Variants in ELAC2 observed in about 807,000 individuals in gnomAD.
ELAC2 encodes the protein zinc phosphodiesterase ELAC protein 2.
Under a neutral mutation model 105.2 loss-of-function variants are expected in ELAC2, and 92 were observed. The observed-to-expected ratio is 0.87, with a 90% CI of 0.74 to 1.04. The LOEUF (loss-of-function observed/expected upper bound fraction) is 1.04. ELAC2 is among the 50% of genes least tolerant of loss of function. ELAC2 has a pLI of 0.00. For missense variants in ELAC2, 1,099 were observed against 1,071.7 expected (o/e 1.03, Z -0.36); for synonymous variants, 468 against 409.1 (o/e 1.14, Z -1.74).
rs746742839 is a variant in ELAC2, at chr17:13,017,141, C to T, written c.246-20G>A. On this transcript the variant is annotated intron_variant, in intron 1 of 23. Coordinates refer to ENST00000338034, the MANE Select transcript of ELAC2 (RefSeq NM_018127.7). ...AGATACCTACAAGACAAACATTACA[C>T]AAGACATTCAGAAGGTTTTATTCTG... 2.5e-6 allele frequency: 4 copies of T among 1,609,536 alleles called. No homozygotes were observed. Among genetic ancestry groups the T allele is most frequent in the Non-Finnish European group, 3.4e-6 (4 of 1,176,598 alleles).
Position 12,998,495 on chromosome 17 carries a change from C to G in ELAC2, c.1437G>C (p.Gln479His). ...TTCCAAGGAAGATGATTTCTGGGTA[C>G]TGACTTCTTTTCTCTGTGAAAAAAT... Reference protein sequence around the residue: ...DGPAPAEKRSQYPEIIFLGTG... With the variant: ...DGPAPAEKRSHYPEIIFLGTG... Residue 479 changes from glutamine (Q) to histidine (H), a missense_variant, in exon 16 of 24, where the codon CAG (glutamine) becomes CAC (histidine). Coordinates refer to ENST00000338034, the MANE Select transcript of ELAC2 (RefSeq NM_018127.7). 2.5e-6 allele frequency: 4 copies of G among 1,614,138 alleles called. No individual in the cohort carries two copies. The highest frequency in any genetic ancestry group is 3.4e-6 in the Non-Finnish European group (4 of 1,179,978).
At chr17:13,008,284 G>A (rs2041220358) in intron 8 of ELAC2, among the ~76,000 whole-genome samples, 1 of 151,986 alleles carries the variant, frequency 6.6e-6, no homozygotes, top group Admixed American at 6.6e-5. Context: ...GGCCAAGGCA[G>A]GCGGATCAGG....
chr17:13,004,939 T>C, intron 11 of ELAC2, 50 bp downstream of exon 11: 1 of 1,401,894 alleles, frequency 7.1e-7, no homozygotes, highest in Non-Finnish European at 1.0e-6. Context: ...ATGTCGATGC[T>C]GGGCTGGGTT....
intron 14 of ELAC2, chr17:13,000,517 T>C: frequency 1.9e-6 from 1 of 534,168 alleles, no homozygotes; most frequent in Non-Finnish European, 3.4e-6. Flanking sequence ...GACAGTTTTT[T>C]TCTGTGGCCA....
At position 13,002,522 on chromosome 17, in the gene ELAC2, G is replaced by T. The variant is rs1406570481; in HGVS notation, c.1137C>A (p.Asn379Lys). The T allele has an allele frequency of 5.0e-6, 8 of 1,605,656 alleles. No homozygotes were observed. The highest frequency in any genetic ancestry group is 6.8e-6 in the Non-Finnish European group (8 of 1,175,512). ...GGGTTTGAATCTTGTGGCTGCGAAG[G>T]TTGTGAACTGAGGCACAGTTCTCAT... ...VLNENCASVH[N>K]LRSHKIQTQL... The change falls in exon 13 of 24, where the codon AAC becomes AAA. Residue 379 changes from asparagine (N) to lysine (K), a missense_variant. By Grantham distance (94) the Asn-to-Lys change is moderately conservative. Coordinates refer to ENST00000338034, the MANE Select transcript of ELAC2 (RefSeq NM_018127.7).
chr17:12,993,795 C>T lies in ELAC2; in HGVS notation c.2145G>A (p.Met715Ile). 2 of 1,614,208 alleles carry T rather than the reference C, an allele frequency of 1.2e-6. No homozygotes were observed. Residue 715 changes from methionine (M) to isoleucine (I), a missense_variant, in exon 23 of 24, where the codon ATG becomes ATA. Transcript: ENST00000338034. ...GGTTCAGCATAATGAACTCCGCGTTCATCCGCATCCCCACGCTGATGGCTT... is the reference window on the plus strand; with the variant it reads ...GGTTCAGCATAATGAACTCCGCGTTTATCCGCATCCCCACGCTGATGGCTT... ...TSQAISVGMR[M>I]NAEFIMLNHF...
At chr17:13,014,414 G>C (rs1344119686) in intron 5 of ELAC2, 25 bp downstream of exon 5, 1 of 1,585,832 alleles carries the variant, frequency 6.3e-7, no homozygotes, top group Admixed American at 1.7e-5. Flanking sequence ...AAATAGCAGA[G>C]GATGAGTCAC....
chr17:13,016,701 G>A lies in ELAC2; in HGVS notation c.367+161C>T, dbSNP rs879168945. ...AGGCTGAGGTGAGGGGATCACCTGAGCCCAGAAGGCAAAGGTTGCAGTGAG... is the reference window on the plus strand; with the variant it reads ...AGGCTGAGGTGAGGGGATCACCTGAACCCAGAAGGCAAAGGTTGCAGTGAG... On this transcript the variant is annotated intron_variant, in intron 3 of 23. Coordinates refer to ENST00000338034, the MANE Select transcript of ELAC2 (RefSeq NM_018127.7). 1.9e-4 allele frequency among the ~76,000 whole-genome samples: 27 copies of A among 143,142 alleles called. 1 individual carries two copies. The South Asian group carries it at 3.7e-3, about 20-fold the overall frequency. The allele number at this position is 143,142 out of a possible 152,430, so 93.9% of individuals were successfully genotyped here.
At chr17:12,995,590 C>G in intron 19 of ELAC2, 113 bp downstream of exon 19, 1 of 1,073,550 alleles carries the variant, frequency 9.3e-7, no homozygotes. Flanking sequence ...GGGACCATGT[C>G]AAGGGCAAGG....
At position 12,992,766 on chromosome 17, in the gene ELAC2, G is replaced by A. The variant is rs540886198; in HGVS notation, c.*52C>T. On this transcript the variant is annotated 3_prime_UTR_variant, in exon 24 of 24. Transcript: ENST00000338034. ...CAGCAAGGAGGGCAGATACGGGTGC[G>A]TGCGTGGGGCAGAAGACACACAGCC... 37 of 1,602,792 alleles carry A rather than the reference G, an allele frequency of 2.3e-5. No individual in the cohort carries two copies. The highest frequency in any genetic ancestry group is 1.6e-4 in the East Asian group (7 of 44,804).
intron 11 of ELAC2, chr17:13,004,001 A>G: frequency 4.6e-6 from 1 of 216,966 alleles, no homozygotes; most frequent in Non-Finnish European, 9.4e-6. Flanking sequence ...TGCCTTCCAG[A>G]GGACCTGAGA....
chr17:13,003,877 C>A (rs1464731669), intron 11 of ELAC2: 2 of 383,606 alleles, frequency 5.2e-6, no homozygotes, highest in East Asian at 1.1e-4. Flanking sequence ...CGGGTCCAAC[C>A]TGCAAAGCCA....
rs746682918 is a variant in ELAC2, at chr17:13,017,917, C to G, written c.31G>C (p.Ala11Pro). ...CCCTGCGACATGGTGCGTCCGGCCG[C>G]GGACCGCAGCAGCGAGCAAAGCGCC... The part of the protein sequence containing the change: MWALCSLLRS[A>P]AGRTMSQGRT... Residue 11 changes from alanine (A) to proline (P), a missense_variant, in exon 1 of 24, where the codon GCG becomes CCG. By Grantham distance (27) the Ala-to-Pro change is conservative. Coordinates refer to ENST00000338034, the MANE Select transcript of ELAC2 (RefSeq NM_018127.7). 1 of 1,540,258 alleles carries G rather than the reference C, an allele frequency of 6.5e-7. No homozygotes were observed. Among genetic ancestry groups the G allele is most frequent in the South Asian group, 1.2e-5 (1 of 84,088 alleles).
Position 13,017,934 on chromosome 17 carries a change from C to T in ELAC2, c.14G>A (p.Cys5Tyr), listed in dbSNP as rs1297700766. The change falls in exon 1 of 24, where the codon TGC becomes TAC. Residue 5 changes from cysteine to tyrosine, a missense_variant. By Grantham distance (194) the Cys-to-Tyr change is radical. Transcript: ENST00000338034. Reference protein sequence around the residue: MWALCSLLRSAAGRT... With the variant: MWALYSLLRSAAGRT... The stretch of plus-strand genomic sequence containing the variant: ...TCCGGCCGCGGACCGCAGCAGCGAG[C>T]AAAGCGCCCACATGCGCCCGTCTCC... 2 of 1,538,416 alleles carry T rather than the reference C, an allele frequency of 1.3e-6. No homozygotes were observed. The highest frequency in any genetic ancestry group is 1.7e-6 in the Non-Finnish European group (2 of 1,146,998).
chr17:12,992,508 T>G lies in ELAC2; in HGVS notation c.*310A>C. The G allele has an allele frequency of 1.3e-5, 6 of 463,912 alleles. No homozygotes were observed. Among genetic ancestry groups the G allele is most frequent in the East Asian group, 3.7e-5 (1 of 26,820 alleles). 28.7% of individuals were successfully genotyped at this position (463,912 alleles called of 1,614,324 possible). ...GTGTGCAGGGAATCACTTTGCTGGA[T>G]TAGAGGAAAGGTGCCGCCGTCTGTT... On this transcript the variant is annotated 3_prime_UTR_variant, in exon 24 of 24. Transcript: ENST00000338034.
Position 12,996,540 on chromosome 17 carries a change from C to T in ELAC2, c.1659+7G>A. On this transcript the variant is annotated splice_region_variant and intron_variant, in intron 17 of 23. Coordinates refer to ENST00000338034, the MANE Select transcript of ELAC2 (RefSeq NM_018127.7). ...GCTCCAGCTTTGTGGTCCAGCCCAA[C>T]ACTCACCGTGTGGTGATCTGCGTGC... 2 of 1,613,822 alleles carry T rather than the reference C, an allele frequency of 1.2e-6. No homozygotes were observed. The highest frequency in any genetic ancestry group is 1.1e-5 in the South Asian group (1 of 91,082).
At chr17:13,008,026 C>T (rs976397343) in intron 8 of ELAC2, among the ~76,000 whole-genome samples, 5 of 152,164 alleles carry the variant, frequency 3.3e-5, no homozygotes, top group African/African-American at 1.2e-4. Context: ...CATGGCGAAA[C>T]CCTGTGTCTA....
intron 14 of ELAC2, among the ~76,000 whole-genome samples, chr17:13,001,179 TA>T (rs1382225359): frequency 1.3e-5 from 2 of 152,098 alleles, no homozygotes; most frequent in African/African-American, 2.4e-5. Context: ...GCAGGAAACT[TA>T]AAATCAAGGT....
At chr17:13,014,672 T>C (rs2041623731) in intron 4 of ELAC2, among the ~76,000 whole-genome samples, 176 bp from the exon 5 acceptor site, 1 of 152,090 alleles carries the variant, frequency 6.6e-6, no homozygotes, top group African/African-American at 2.4e-5. Flanking sequence ...ATGCCAAGGA[T>C]ATAGCAGGAA....
Sources: allele counts gnomAD v4.1 joint callset (sites outside exome capture counted in the v4.1 genomes callset), GRCh38; gene constraint gnomAD v4.1.1; transcripts MANE v1.5; gene names NCBI Gene and HGNC (gene_info 2026-07-23, HGNC 2026-07-21).